The following DSCAM variants were observed in gnomAD, a reference collection of about 807,000 sequenced individuals.
DSCAM encodes the protein DS cell adhesion molecule.
DSCAM carries 47 observed loss-of-function variants against 217.7 expected under a neutral mutation model. The observed-to-expected ratio is 0.22, with a 90% CI of 0.17 to 0.28. The LOEUF (loss-of-function observed/expected upper bound fraction) is 0.28. Ranked by LOEUF, DSCAM falls within the 10% of genes least tolerant of loss-of-function variation. DSCAM has a pLI of 1.00. For synonymous variants in DSCAM, 1,056 were observed against 1,015.3 expected, an observed-to-expected ratio of 1.04 and a Z score of -0.76; for missense variants, 2,080 against 2,618.3, an observed-to-expected ratio of 0.79 and a Z score of 4.49.
At chr21:40,378,619 T>G (rs2074989293) in intron 3 of DSCAM, among the ~76,000 whole-genome samples, 1 of 116,990 alleles carries the variant, frequency 8.5e-6, no homozygotes, top group African/African-American at 3.4e-5. Flanking sequence ...TGAGACGGAG[T>G]CTCGCTCTGT....
At chr21:40,686,798 A>G (rs558214159) in intron 3 of DSCAM, among the ~76,000 whole-genome samples, 13 of 152,296 alleles carry the variant, frequency 8.5e-5, no homozygotes, top group East Asian at 5.8e-4. Context: ...TCTTGGTGTC[A>G]CACAGGGGCT....
chr21:40,359,055 T>A (rs2074728717), intron 4 of DSCAM, among the ~76,000 whole-genome samples: 1 of 152,120 alleles, frequency 6.6e-6, no homozygotes, highest in Non-Finnish European at 1.5e-5. Context: ...GGCATTAGGG[T>A]AATATGAATT....
At chr21:40,091,862 G>A (rs1285139897) in intron 21 of DSCAM, among the ~76,000 whole-genome samples, 5 of 152,070 alleles carry the variant, frequency 3.3e-5, no homozygotes, top group African/African-American at 1.2e-4. Context: ...AACAGCACAG[G>A]AAAGACCTGC....
intron 3 of DSCAM, among the ~76,000 whole-genome samples, chr21:40,557,376 A>G (rs2076680710): frequency 6.6e-6 from 1 of 151,870 alleles, no homozygotes; most frequent in Non-Finnish European, 1.5e-5. Context: ...TCTTTTTTAG[A>G]CGGAGTCTCA....
rs1304692436 is a variant in DSCAM at position 40,028,317 on chromosome 21, TTGTC to T, written c.5686+14050_5686+14053del. On this transcript the variant is annotated intron_variant, in intron 32 of 32. Transcript: ENST00000400454. ...GCAGAGGTTACTGCTGTCTTTTTGT[TTGTC>T]TGTGCAGCCTACAGAGGCAGGCAGG... Among the ~76,000 whole-genome samples, 29 of 79,566 alleles carry T rather than the reference TTGTC, an allele frequency of 3.6e-4. 4 individuals carry two copies. Among genetic ancestry groups the T allele is most frequent in the African/African-American group, 1.3e-3 (28 of 22,374 alleles). 52.2% of individuals were successfully genotyped at this position (79,566 alleles called of 152,430 possible).
intron 1 of DSCAM, among the ~76,000 whole-genome samples, chr21:40,813,689 C>A (rs1382194833): frequency 6.7e-6 from 1 of 149,906 alleles, no homozygotes; most frequent in Non-Finnish European, 1.5e-5. Context: ...GCTCTGTCAC[C>A]CAGGCTGGAG....
At chr21:40,671,890 T>C (rs2090280304) in intron 3 of DSCAM, among the ~76,000 whole-genome samples, 2 of 152,184 alleles carry the variant, frequency 1.3e-5, no homozygotes, top group Admixed American at 1.3e-4. Context: ...TTAGTCATCT[T>C]AGGCTGCTGC....
chr21:40,245,010 G>A (rs2073204133), intron 11 of DSCAM, among the ~76,000 whole-genome samples: 1 of 152,152 alleles, frequency 6.6e-6, no homozygotes, highest in South Asian at 2.1e-4. Flanking sequence ...GAGGGAGGGA[G>A]GGATGCTCCT....
At chr21:40,784,572 CG>C (rs375275710) in intron 1 of DSCAM, among the ~76,000 whole-genome samples, 1 of 152,212 alleles carries the variant, frequency 6.6e-6, no homozygotes, top group African/African-American at 2.4e-5. Flanking sequence ...TGCAATGGGC[CG>C]AATATCTGTG....
intron 1 of DSCAM, among the ~76,000 whole-genome samples, chr21:40,826,367 G>C (rs368461698): frequency 2.0e-5 from 3 of 152,244 alleles, no homozygotes; most frequent in Admixed American, 6.5e-5. Flanking sequence ...CTGTGGAGGG[G>C]GTGGGGTGGG....
chr21:40,134,932 C>CT (rs150275085), intron 18 of DSCAM, among the ~76,000 whole-genome samples: 1 of 152,344 alleles, frequency 6.6e-6, no homozygotes, highest in African/African-American at 2.4e-5. Flanking sequence ...GTGTCAGAAA[C>CT]TTGGTGTCAG....
At chr21:40,266,961 T>G (rs114851523) in intron 11 of DSCAM, among the ~76,000 whole-genome samples, 2,370 of 140,654 alleles carry the variant, frequency 0.017, 76 homozygotes, top group African/African-American at 0.061. Flanking sequence ...CATTTATAAG[T>G]AGGAGCTAAG....
Position 40,540,878 on chromosome 21 carries a change from T to C in DSCAM, c.508+151932A>G, listed in dbSNP as rs915724437. On this transcript the variant is annotated intron_variant, in intron 3 of 32. Transcript: ENST00000400454. ...AAAAGGAATCCCATATATATTACTT[T>C]TAAAGGTTTTTTGTTTGGGGTATTT... Among the ~76,000 whole-genome samples, 52 of 152,272 alleles carry C rather than the reference T, an allele frequency of 3.4e-4. 1 individual carries two copies. Among genetic ancestry groups the C allele is most frequent in the African/African-American group, 1.3e-3 (52 of 41,546 alleles).
At chr21:40,282,090 G>A (rs2073768023) in intron 10 of DSCAM, among the ~76,000 whole-genome samples, 1 of 151,920 alleles carries the variant, frequency 6.6e-6, no homozygotes, top group Non-Finnish European at 1.5e-5. Flanking sequence ...ATTAGTGTGA[G>A]GATAATAGAT....
chr21:40,843,215 G>C (rs1179997657), intron 1 of DSCAM, among the ~76,000 whole-genome samples: 12 of 152,106 alleles, frequency 7.9e-5, no homozygotes, highest in Admixed American at 6.5e-4. Flanking sequence ...GAAGCTCAAA[G>C]GTGCTGCATA....
At chr21:40,433,571 C>T (rs920637254) in intron 3 of DSCAM, among the ~76,000 whole-genome samples, 4 of 152,190 alleles carry the variant, frequency 2.6e-5, no homozygotes, top group African/African-American at 7.2e-5. Context: ...GATTTGTTCA[C>T]ACTGTTGGCG....
chr21:40,819,957 T>G (rs2091912296), intron 1 of DSCAM, among the ~76,000 whole-genome samples: 1 of 152,122 alleles, frequency 6.6e-6, no homozygotes, highest in Admixed American at 6.5e-5. Context: ...TCATCAGGAA[T>G]GGGATAAGGC....
intron 1 of DSCAM, among the ~76,000 whole-genome samples, chr21:40,822,072 A>C (rs1184918309): frequency 2.0e-5 from 3 of 151,552 alleles, no homozygotes; most frequent in Non-Finnish European, 4.4e-5. Flanking sequence ...TAATCCCAGC[A>C]CTTTGGGAGG....
At chr21:40,633,646 T>C (rs1208635025) in intron 3 of DSCAM, among the ~76,000 whole-genome samples, 2 of 151,988 alleles carry the variant, frequency 1.3e-5, no homozygotes, top group Non-Finnish European at 2.9e-5. Context: ...AATAACTGAG[T>C]GAGAAGAAAG....
Sources: allele counts gnomAD v4.1 joint callset (sites outside exome capture counted in the v4.1 genomes callset), GRCh38; gene constraint gnomAD v4.1.1; transcripts MANE v1.5; gene names NCBI Gene and HGNC (gene_info 2026-07-23, HGNC 2026-07-21).